Variants in SRGAP2 observed in about 807,000 individuals in gnomAD.
SRGAP2 encodes SLIT-ROBO Rho GTPase activating protein 2.
A neutral mutation model predicts 57.2 loss-of-function variants in SRGAP2; 15 were observed. The ratio of observed to expected loss-of-function variants is 0.26; its 90% CI spans 0.18 to 0.40. The LOEUF (loss-of-function observed/expected upper bound fraction) is 0.40, where lower values mean the gene tolerates loss of function less well. SRGAP2 is among the 10% of genes least tolerant of loss of function. SRGAP2 has a pLI of 1.00. For missense variants in SRGAP2, 520 were observed against 669.6 expected (o/e 0.78, Z 2.47); for synonymous variants, 249 against 248.0 (o/e 1.00, Z -0.04).
intron 13 of SRGAP2, among the ~76,000 whole-genome samples, chr1:206,428,637 C>T (rs1157683009): frequency 6.6e-6 from 1 of 151,994 alleles, no homozygotes; most frequent in African/African-American, 2.4e-5. Flanking sequence ...TACTTAACCT[C>T]ACTAAGCCTT....
rs1453139585 is a variant in SRGAP2 at position 206,267,189 on chromosome 1, C to T, written c.68-36092C>T. ...TTCACTGTGTTAGCCAGGATGGTCT[C>T]GATCTCCTGACCTCGTGATCCGCCT... On this transcript the variant is annotated intron_variant, in intron 2 of 22. Transcript: ENST00000573034. 7.2e-5 allele frequency among the ~76,000 whole-genome samples: 11 copies of T among 152,056 alleles called. No individual in the cohort carries two copies. The South Asian group carries it at 1.0e-3, about 14-fold the overall frequency.
chr1:206,432,675 A>G (rs116991612), intron 14 of SRGAP2, among the ~76,000 whole-genome samples: 1,943 of 152,352 alleles, frequency 0.013, 24 homozygotes, highest in South Asian at 0.026. Flanking sequence ...GAAAGAGTCT[A>G]TATCATGTAG....
At chr1:206,391,864 ATGG>A (rs1469362401) in intron 5 of SRGAP2, among the ~76,000 whole-genome samples, 2 of 151,988 alleles carry the variant, frequency 1.3e-5, no homozygotes, top group African/African-American at 4.8e-5. Flanking sequence ...GGACTCCTAG[ATGG>A]TTGCTTTGAT....
chr1:206,375,766 A>G (rs1455700235), intron 4 of SRGAP2, among the ~76,000 whole-genome samples: 1 of 152,090 alleles, frequency 6.6e-6, no homozygotes, highest in African/African-American at 2.4e-5. Flanking sequence ...TCAGGGACCA[A>G]AGTGAGCTTT....
chr1:206,249,111 G>T (rs374124318), intron 2 of SRGAP2, among the ~76,000 whole-genome samples: 3 of 151,926 alleles, frequency 2.0e-5, no homozygotes, highest in Admixed American at 2.0e-4. Context: ...CCTTTAACAT[G>T]CCAGGCATGC....
At chr1:206,451,468 G>T (rs926899030) in intron 19 of SRGAP2, among the ~76,000 whole-genome samples, 1 of 152,200 alleles carries the variant, frequency 6.6e-6, no homozygotes. Flanking sequence ...CTGACAAGGG[G>T]CCTCAGAATT....
chr1:206,431,069 G>A (rs1661241740), intron 14 of SRGAP2, among the ~76,000 whole-genome samples: 1 of 152,118 alleles, frequency 6.6e-6, no homozygotes, highest in Non-Finnish European at 1.5e-5. Flanking sequence ...AAATTCAGAG[G>A]CAGCTATTCT....
chr1:206,243,536 T>C (rs1553309621), intron 2 of SRGAP2, among the ~76,000 whole-genome samples: 1 of 152,104 alleles, frequency 6.6e-6, no homozygotes. Context: ...AGGCTTCGAG[T>C]CATAGGGAAA....
At chr1:206,329,702 T>G (rs1194414042) in intron 3 of SRGAP2, among the ~76,000 whole-genome samples, 1 of 144,166 alleles carries the variant, frequency 6.9e-6, no homozygotes, top group Non-Finnish European at 1.5e-5. Context: ...AAGGAGATTT[T>G]GGGCTGAGAC....
chr1:206,281,913 C>CA (rs1472632032), intron 2 of SRGAP2, among the ~76,000 whole-genome samples: 1,461 of 105,472 alleles, frequency 0.014, 69 homozygotes, highest in African/African-American at 0.052. Context: ...GACTCCGTCA[C>CA]AAAAAAAAAA....
At chr1:206,444,251 T>C (rs1352938642) in intron 17 of SRGAP2, among the ~76,000 whole-genome samples, 5 of 150,956 alleles carry the variant, frequency 3.3e-5, no homozygotes, top group African/African-American at 4.9e-5. Context: ...AAAAGAAAAA[T>C]GGATTTTCAT....
chr1:206,464,305 G>A lies in SRGAP2; in HGVS notation c.*2885G>A, dbSNP rs539435058. The A allele has an allele frequency of 2.0e-5, 3 of 152,638 alleles. No homozygotes were observed. The highest frequency in any genetic ancestry group is 2.9e-5 in the Non-Finnish European group (2 of 68,050). The allele number at this position is 152,638 out of a possible 1,614,324, so 9.5% of individuals were successfully genotyped here. The stretch of plus-strand genomic sequence containing the variant: ...GTAAAATGGTATATTCTTTAAAATA[G>A]TGTTGATAACTGGAATATTGTATGT... On this transcript the variant is annotated 3_prime_UTR_variant, in exon 23 of 23. Coordinates refer to ENST00000573034, the MANE Select transcript of SRGAP2 (RefSeq NM_015326.5).
At chr1:206,434,911 C>T (rs920548466) in intron 14 of SRGAP2, among the ~76,000 whole-genome samples, 2 of 152,200 alleles carry the variant, frequency 1.3e-5, no homozygotes, top group Non-Finnish European at 2.9e-5. Flanking sequence ...AGTGAGTAGC[C>T]TGGTTTCCGA....
intron 4 of SRGAP2, among the ~76,000 whole-genome samples, chr1:206,378,493 G>A (rs1284094216): frequency 1.3e-5 from 2 of 152,130 alleles, no homozygotes; most frequent in East Asian, 3.9e-4. Context: ...TATCTAAAAA[G>A]AAAGAAAGAA....
rs1553379328 is a variant in SRGAP2, at chr1:206,458,703, ACTC to A, written c.2596_2598del (p.Ser866del). The A allele has an allele frequency of 1.3e-6, 1 of 778,952 alleles. No homozygotes were observed. Among genetic ancestry groups the A allele is most frequent in the Non-Finnish European group, 2.4e-6 (1 of 417,412 alleles). The allele number at this position is 778,952 out of a possible 1,614,324, so 48.3% of individuals were successfully genotyped here. ...CATGGGCTGAGCAGTTCCCTGACTG[ACTC>A]CTCCTCCCCAGGGGTGGGGGCTAGC... On this transcript the variant is annotated inframe_deletion, in exon 22 of 23. Transcript: ENST00000573034.
intron 13 of SRGAP2, among the ~76,000 whole-genome samples, chr1:206,424,010 C>T (rs1175230388): frequency 3.0e-5 from 4 of 132,888 alleles, no homozygotes; most frequent in Non-Finnish European, 6.2e-5. Flanking sequence ...GCAGGCTGGT[C>T]TCGAATTCCT....
intron 15 of SRGAP2, among the ~76,000 whole-genome samples, chr1:206,437,318 G>A (rs189786079): frequency 8.3e-4 from 126 of 152,270 alleles, no homozygotes; most frequent in Non-Finnish European, 1.6e-3. Context: ...ATATCTGGGC[G>A]GTTTATGGCT....
chr1:206,388,661 T>TTATGGA (rs1656553371), intron 5 of SRGAP2, among the ~76,000 whole-genome samples: 1 of 119,492 alleles, frequency 8.4e-6, no homozygotes, highest in Non-Finnish European at 1.7e-5. Context: ...TCCAGGGCTA[T>TTATGGA]TATGGATATA....
chr1:206,290,946 CT>C (rs1325496658), intron 2 of SRGAP2, among the ~76,000 whole-genome samples: 1 of 151,986 alleles, frequency 6.6e-6, no homozygotes, highest in Non-Finnish European at 1.5e-5. Context: ...ATGGCATGGA[CT>C]TTTTCCTGCT....
Sources: gnomAD v4.1 joint callset for allele counts (sites outside exome capture counted in the v4.1 genomes callset) on GRCh38, gnomAD v4.1.1 for gene constraint, MANE v1.5 for transcripts, NCBI Gene and HGNC (gene_info 2026-07-23, HGNC 2026-07-21) for gene names.